Variants in TIPARP observed in about 807,000 individuals in gnomAD.
The protein encoded by TIPARP is protein mono-ADP-ribosyltransferase TIPARP.
Under a neutral mutation model 56.5 loss-of-function variants are expected in TIPARP, and 12 were observed. The ratio of observed to expected loss-of-function variants is 0.21; its 90% confidence interval spans 0.14 to 0.34. TIPARP has a LOEUF of 0.34. Among genes scored for constraint, TIPARP ranks in the 10% least tolerant of loss-of-function variants. TIPARP has a pLI of 1.00. For missense variants in TIPARP, 604 were observed against 781.6 expected, an observed-to-expected ratio of 0.77 and a Z score of 2.71; for synonymous variants, 296 against 265.7, an observed-to-expected ratio of 1.11 and a Z score of -1.11.
At chr3:156,690,559 T>A (rs1180824562) in intron 2 of TIPARP, among the ~76,000 whole-genome samples, 3 of 152,168 alleles carry the variant, frequency 2.0e-5, no homozygotes, top group Admixed American at 2.0e-4. Context: ...TAGTGGGATG[T>A]GTGGTGGTGA....
chr3:156,680,397 C>T (rs1229807073), intron 2 of TIPARP, among the ~76,000 whole-genome samples: 1 of 152,106 alleles, frequency 6.6e-6, no homozygotes, highest in African/African-American at 2.4e-5. Flanking sequence ...TGCCCATGAG[C>T]TAGCAATTCT....
intron 2 of TIPARP, among the ~76,000 whole-genome samples, chr3:156,687,652 A>G (rs2108491091): frequency 6.6e-6 from 1 of 152,298 alleles, no homozygotes; most frequent in South Asian, 2.1e-4. Flanking sequence ...ATGTTTGTTT[A>G]GCTCCCCACA....
At position 156,694,008 on chromosome 3, in the gene TIPARP, GT is replaced by G. The variant is rs535410568; in HGVS notation, c.918-3del. The G allele has an allele frequency of 4.5e-5, 69 of 1,527,866 alleles. No individual in the cohort carries two copies. The highest frequency in any genetic ancestry group is 1.7e-4 in the Middle Eastern group (1 of 5,718). 94.6% of individuals were successfully genotyped at this position (1,527,866 alleles called of 1,614,324 possible). ...AGGTTTTTGGGTTTTTTTTGTTTTT[GT>G]TTTTTTTTAGAGGACAAGAATTTTG... On this transcript the variant is annotated splice_polypyrimidine_tract_variant and intron_variant, in intron 2 of 5. Coordinates refer to ENST00000295924, the MANE Select transcript of TIPARP (RefSeq NM_015508.5).
chr3:156,681,447 T>C (rs935580970), intron 2 of TIPARP, among the ~76,000 whole-genome samples: 1 of 152,230 alleles, frequency 6.6e-6, no homozygotes, highest in East Asian at 1.9e-4. Context: ...TGTGATATAC[T>C]TGGGGAAAGT....
intron 4 of TIPARP, among the ~76,000 whole-genome samples, chr3:156,697,296 C>T (rs1035154242): frequency 6.6e-6 from 1 of 152,036 alleles, no homozygotes; most frequent in African/African-American, 2.4e-5. Context: ...CATGCTGAGC[C>T]AATCAAGCAA....
chr3:156,695,840 T>TTTTTTTTTTTTTTTTTTTTTTC, intron 3 of TIPARP, 25 bp from the exon 4 acceptor site: 1 of 1,368,806 alleles, frequency 7.3e-7, no homozygotes, highest in Non-Finnish European at 9.5e-7. Flanking sequence ...TTTTTTTTTT[T>TTTTTTTTTTTTTTTTTTTTTTC]TTTGTTCTGT....
At chr3:156,681,125 C>G (rs748225153) in intron 2 of TIPARP, 1 of 456,298 alleles carries the variant, frequency 2.2e-6, no homozygotes. Flanking sequence ...TTCCTGGCAA[C>G]AAGATGCAGA....
chr3:156,688,850 C>T (rs1386205618), intron 2 of TIPARP, among the ~76,000 whole-genome samples: 6 of 152,178 alleles, frequency 3.9e-5, no homozygotes, highest in Non-Finnish European at 7.3e-5. Context: ...AAGCCAGTAG[C>T]GGAACCTCAA....
chr3:156,701,188 GATTT>G (rs1208430001), intron 4 of TIPARP, among the ~76,000 whole-genome samples: 53 of 152,304 alleles, frequency 3.5e-4, no homozygotes, highest in African/African-American at 9.4e-4. Flanking sequence ...GAATGGATAG[GATTT>G]ATTTATCTCG....
chr3:156,682,565 AG>A (rs1722334880), intron 2 of TIPARP, among the ~76,000 whole-genome samples: 1 of 152,254 alleles, frequency 6.6e-6, no homozygotes, highest in Admixed American at 6.5e-5. Flanking sequence ...ATACTGTTAC[AG>A]TCCCTATATG....
chr3:156,682,377 T>C (rs1722330515), intron 2 of TIPARP, among the ~76,000 whole-genome samples: 2 of 152,224 alleles, frequency 1.3e-5, no homozygotes, highest in South Asian at 4.1e-4. Flanking sequence ...GAGGGAGCTT[T>C]AGTTGCTTTA....
Position 156,703,843 on chromosome 3 carries a change from C to T in TIPARP, c.1526+141C>T, listed in dbSNP as rs540027597. 174 of 875,936 alleles carry T rather than the reference C, an allele frequency of 2.0e-4. No homozygotes were observed. The African/African-American group carries it at 2.7e-3, about 14-fold the overall frequency. The allele number at this position is 875,936 out of a possible 1,614,324, so 54.3% of individuals were successfully genotyped here. ...CCTAGCTAACACGGTGAAACCCCGT[C>T]TCTACTAAAAATAGAAAAAATTAGC... On this transcript the variant is annotated intron_variant, in intron 5 of 5. Transcript: ENST00000295924.
rs138400625 is a variant in TIPARP at position 156,689,825 on chromosome 3, G to A, written c.918-4195G>A. 6.6e-4 allele frequency among the ~76,000 whole-genome samples: 101 copies of A among 152,290 alleles called. 1 individual carries two copies. The highest frequency in any genetic ancestry group is 2.1e-3 in the African/African-American group (86 of 41,554). ...TGTGGTGTCCTGCCTCCCATTGTTT[G>A]CCTGGTAGCTGGACCTGGCTCACAT... On this transcript the variant is annotated intron_variant, in intron 2 of 5. Coordinates refer to ENST00000295924, the MANE Select transcript of TIPARP (RefSeq NM_015508.5).
intron 3 of TIPARP, 24 bp from the exon 4 acceptor site, chr3:156,695,841 T>TTTTGTTTTGTTTTTTCC: frequency 7.2e-7 from 1 of 1,385,862 alleles, no homozygotes; most frequent in Non-Finnish European, 9.4e-7. Flanking sequence ...TTTTTTTTTT[T>TTTTGTTTTGTTTTTTCC]TTGTTCTGTT....
chr3:156,694,061 A>G lies in TIPARP; in HGVS notation c.959A>G (p.Tyr320Cys), dbSNP rs769711462. Residue 320 changes from tyrosine to cysteine, a missense_variant, in exon 3 of 6, where the codon TAT becomes TGT. Coordinates refer to ENST00000295924, the MANE Select transcript of TIPARP (RefSeq NM_015508.5). ...GCAGATTTGAATGCCATGAACGTGTATGAAACAACTGAATTTGACCAACTA... is the reference window on the plus strand; with the variant it reads ...GCAGATTTGAATGCCATGAACGTGTGTGAAACAACTGAATTTGACCAACTA... ...FWADLNAMNV[Y>C]ETTEFDQLRR... 6 of 1,613,088 alleles carry G rather than the reference A, an allele frequency of 3.7e-6. No homozygotes were observed. The highest frequency in any genetic ancestry group is 2.2e-5 in the East Asian group (1 of 44,862).
At chr3:156,699,737 T>C (rs1206847596) in intron 4 of TIPARP, among the ~76,000 whole-genome samples, 1 of 152,168 alleles carries the variant, frequency 6.6e-6, no homozygotes, top group Non-Finnish European at 1.5e-5. Flanking sequence ...AGAACAAAAA[T>C]AGTTACTCTT....
chr3:156,683,533 G>A (rs1417089435), intron 2 of TIPARP, among the ~76,000 whole-genome samples: 1 of 151,742 alleles, frequency 6.6e-6, no homozygotes, highest in Non-Finnish European at 1.5e-5. Flanking sequence ...ACTCCATTCA[G>A]CATTTAAAAT....
Position 156,677,719 on chromosome 3 carries a change from C to T in TIPARP, c.22C>T (p.Pro8Ser), listed in dbSNP as rs778899104. Reference protein sequence around the residue: MEMETTEPEPDCVVQPPS... With the variant: MEMETTESEPDCVVQPPS... Reference sequence around the variant, plus strand: ...CATTATGGAAATGGAAACCACCGAACCTGAGCCAGACTGTGTAGTGCAGCC... The same window carrying T: ...CATTATGGAAATGGAAACCACCGAATCTGAGCCAGACTGTGTAGTGCAGCC... The change falls in exon 2 of 6, where the codon CCT becomes TCT. Residue 8 changes from proline to serine, a missense_variant. Coordinates refer to ENST00000295924, the MANE Select transcript of TIPARP (RefSeq NM_015508.5). The T allele has an allele frequency of 6.3e-7, 1 of 1,594,106 alleles. No individual in the cohort carries two copies. Among genetic ancestry groups the T allele is most frequent in the African/African-American group, 1.4e-5 (1 of 73,586 alleles).
chr3:156,696,120 G>T lies in TIPARP; in HGVS notation c.1247+95G>T, dbSNP rs1722709750. 9 of 1,378,958 alleles carry T rather than the reference G, an allele frequency of 6.5e-6. No individual in the cohort carries two copies. In the South Asian group the frequency reaches 1.2e-4, roughly 19 times the overall value. 85.4% of individuals were successfully genotyped at this position (1,378,958 alleles called of 1,614,324 possible). A position where few individuals can be genotyped will look rare whatever the true frequency, so the allele number is the denominator to read the frequency against. ...TAAAAAATAAATAAGAGTCTACCTTGGTTAGTACTCCTAGAATGTGAAATT... is the reference window on the plus strand; with the variant it reads ...TAAAAAATAAATAAGAGTCTACCTTTGTTAGTACTCCTAGAATGTGAAATT... On this transcript the variant is annotated intron_variant, in intron 4 of 5. Transcript: ENST00000295924.
Sources: gnomAD v4.1 joint callset for allele counts (sites outside exome capture counted in the v4.1 genomes callset) on GRCh38, gnomAD v4.1.1 for gene constraint, MANE v1.5 for transcripts, NCBI Gene and HGNC (gene_info 2026-07-23, HGNC 2026-07-21) for gene names.